The following ADAMTS3 variants were observed in gnomAD, a reference collection of about 807,000 sequenced individuals.
ADAMTS3 encodes ADAM metallopeptidase with thrombospondin type 1 motif 3.
A neutral mutation model predicts 129.0 loss-of-function variants in ADAMTS3; 73 were observed. That is an observed-to-expected ratio of 0.57 (90% CI 0.47 to 0.69). ADAMTS3 has a LOEUF of 0.69. Among genes scored for constraint, ADAMTS3 ranks in the 30% least tolerant of loss-of-function variants. The pLI is 0.00. For synonymous variants in ADAMTS3, 477 were observed against 510.8 expected, an observed-to-expected ratio of 0.93 and a Z score of 0.89; for missense variants, 1,457 against 1,514.5, an observed-to-expected ratio of 0.96 and a Z score of 0.63.
At chr4:72,439,098 T>C (rs1370482298) in intron 3 of ADAMTS3, among the ~76,000 whole-genome samples, 7 of 151,728 alleles carry the variant, frequency 4.6e-5, no homozygotes, top group Admixed American at 3.3e-4. Flanking sequence ...TTAGGTAAAG[T>C]CAAAATTAAG....
intron 3 of ADAMTS3, among the ~76,000 whole-genome samples, chr4:72,529,154 A>C (rs1307621687): frequency 6.6e-6 from 1 of 152,190 alleles, no homozygotes; most frequent in Non-Finnish European, 1.5e-5. Context: ...GCTGATCCAA[A>C]AGGCCAGAGG....
chr4:72,530,229 A>G (rs1578767704), intron 3 of ADAMTS3, among the ~76,000 whole-genome samples: 1 of 77,010 alleles, frequency 1.3e-5, no homozygotes, highest in Non-Finnish European at 2.2e-5. Flanking sequence ...TATATATATT[A>G]TATATATTAA....
At position 72,540,517 on chromosome 4, in the gene ADAMTS3, C is replaced by A. The variant is rs1721293410; in HGVS notation, c.504+7961G>T. Among the ~76,000 whole-genome samples the A allele has an allele frequency of 5.3e-5, 8 of 152,130 alleles. No individual in the cohort carries two copies. The South Asian group carries it at 1.7e-3, about 32-fold the overall frequency. On this transcript the variant is annotated intron_variant, in intron 3 of 21. Coordinates refer to ENST00000286657, the MANE Select transcript of ADAMTS3 (RefSeq NM_014243.3). ...AGAAATTTGCATAAATAACAAGGAG[C>A]CAAATGTTAATCCCCAAGACTATGG...
intron 3 of ADAMTS3, among the ~76,000 whole-genome samples, chr4:72,505,862 C>A (rs1720147663): frequency 6.6e-6 from 1 of 152,190 alleles, no homozygotes; most frequent in African/African-American, 2.4e-5. Context: ...TGAAGCAGCT[C>A]AGGCTGCTGT....
At chr4:72,448,158 T>C (rs1014735721) in intron 3 of ADAMTS3, among the ~76,000 whole-genome samples, 1 of 151,720 alleles carries the variant, frequency 6.6e-6, no homozygotes, top group Non-Finnish European at 1.5e-5. Flanking sequence ...GCCCCAACAA[T>C]GTTTCCATAA....
At chr4:72,309,972 G>A (rs1719190083) in intron 14 of ADAMTS3, among the ~76,000 whole-genome samples, 1 of 152,048 alleles carries the variant, frequency 6.6e-6, no homozygotes, top group Non-Finnish European at 1.5e-5. Context: ...GATTTTCACA[G>A]GGGCCAAAGA....
At chr4:72,549,973 AGAAGAAGAAGAAGAAGAAGAGGAAGAGG>A (rs1721575840) in intron 2 of ADAMTS3, among the ~76,000 whole-genome samples, 3 of 29,560 alleles carry the variant, frequency 1.0e-4, no homozygotes, top group African/African-American at 2.2e-4. Context: ...AAGAAGAAGA[AGAAGAAGAAGAAGAAGAAGAGGAAGAGG>A]AAGAAGAAGA....
At chr4:72,303,781 A>T in intron 17 of ADAMTS3, 136 bp downstream of exon 17, 1 of 833,246 alleles carries the variant, frequency 1.2e-6, no homozygotes. Flanking sequence ...GGGAAAGATA[A>T]ATGGAATTAT....
At chr4:72,337,852 C>T (rs7679534) in intron 5 of ADAMTS3, among the ~76,000 whole-genome samples, 7,240 of 152,054 alleles carry the variant, frequency 0.048, 556 homozygotes, top group African/African-American at 0.16. Context: ...ATAAGTTCTA[C>T]GAGGACAAGA....
intron 3 of ADAMTS3, among the ~76,000 whole-genome samples, chr4:72,531,954 A>C (rs1721055221): frequency 6.6e-6 from 1 of 152,042 alleles, no homozygotes; most frequent in Admixed American, 6.6e-5. Context: ...AGGGAGTTAA[A>C]GTTGTGCAAA....
intron 3 of ADAMTS3, among the ~76,000 whole-genome samples, chr4:72,433,599 T>A (rs557125666): frequency 6.6e-6 from 1 of 151,964 alleles, no homozygotes. Flanking sequence ...CTTTGCTGTA[T>A]GAACATGAAA....
At chr4:72,316,676 G>A (rs1719405421) in intron 10 of ADAMTS3, among the ~76,000 whole-genome samples, 1 of 149,448 alleles carries the variant, frequency 6.7e-6, no homozygotes, top group South Asian at 2.1e-4. Context: ...AGTGACAACA[G>A]TGAGACACTA....
At chr4:72,431,948 T>C (rs1722709230) in intron 3 of ADAMTS3, among the ~76,000 whole-genome samples, 1 of 151,736 alleles carries the variant, frequency 6.6e-6, no homozygotes, top group Non-Finnish European at 1.5e-5. Flanking sequence ...TAAGAAAAGG[T>C]AGTAATGAGA....
At chr4:72,568,650 G>T (rs747533401) in intron 1 of ADAMTS3, 44 bp downstream of exon 1, 14 of 1,418,874 alleles carry the variant, frequency 9.9e-6, no homozygotes, top group African/African-American at 2.1e-5. Flanking sequence ...TTCGGGAAAA[G>T]GTTGGGTTTG....
chr4:72,314,679 TA>T (rs1719343411), intron 11 of ADAMTS3, among the ~76,000 whole-genome samples: 1 of 152,214 alleles, frequency 6.6e-6, no homozygotes, highest in Non-Finnish European at 1.5e-5. Context: ...ATTAACTCGT[TA>T]TACTCTTGTT....
intron 5 of ADAMTS3, among the ~76,000 whole-genome samples, chr4:72,337,974 G>A (rs537800068): frequency 6.6e-6 from 1 of 152,102 alleles, no homozygotes; most frequent in Non-Finnish European, 1.5e-5. Context: ...AAGTAGCCCA[G>A]GGACATAATG....
chr4:72,438,470 C>T (rs1718028077), intron 3 of ADAMTS3, among the ~76,000 whole-genome samples: 1 of 151,564 alleles, frequency 6.6e-6, no homozygotes, highest in Non-Finnish European at 1.5e-5. Context: ...CTATGTTTTT[C>T]TAAACCAAAA....
At chr4:72,524,552 T>C (rs983806509) in intron 3 of ADAMTS3, among the ~76,000 whole-genome samples, 1 of 152,022 alleles carries the variant, frequency 6.6e-6, no homozygotes, top group Non-Finnish European at 1.5e-5. Flanking sequence ...TTATTATTAA[T>C]TATTATTAAG....
chr4:72,351,013 G>A (rs1381242433), intron 4 of ADAMTS3, among the ~76,000 whole-genome samples: 1 of 151,874 alleles, frequency 6.6e-6, no homozygotes, highest in East Asian at 1.9e-4. Context: ...GAATTTGTTA[G>A]GCTCCACCTG....
Sources: gnomAD v4.1 joint callset for allele counts (sites outside exome capture counted in the v4.1 genomes callset) on GRCh38, gnomAD v4.1.1 for gene constraint, MANE v1.5 for transcripts, NCBI Gene and HGNC (gene_info 2026-07-23, HGNC 2026-07-21) for gene names.